Variants in CAPN7 observed in about 807,000 individuals in gnomAD.
The protein encoded by CAPN7 is calpain-7.
In CAPN7, 72 loss-of-function variants were observed where a neutral mutation model predicts 115.2. The observed-to-expected ratio is 0.63, with a 90% CI of 0.52 to 0.76. CAPN7 has a LOEUF of 0.76. CAPN7 is among the 30% of genes least tolerant of loss of function. The pLI is 0.00. For synonymous variants in CAPN7, 344 were observed against 322.3 expected (o/e 1.07, Z -0.72); for missense variants, 905 against 971.5 (o/e 0.93, Z 0.91).
At chr3:15,245,283 C>T (rs2125007946) in intron 16 of CAPN7, among the ~76,000 whole-genome samples, 1 of 151,482 alleles carries the variant, frequency 6.6e-6, no homozygotes, top group Non-Finnish European at 1.5e-5. Context: ...TGAAATGCAA[C>T]ACAGAGCAAA....
At chr3:15,218,344 T>C (rs1693764333) in intron 3 of CAPN7, 129 bp from the exon 4 acceptor site, 1 of 659,240 alleles carries the variant, frequency 1.5e-6, no homozygotes, top group African/African-American at 1.8e-5. Context: ...TGAGAATTAA[T>C]GTCATCTTTG....
chr3:15,206,936 G>A (rs1327910966), intron 1 of CAPN7, among the ~76,000 whole-genome samples: 1 of 152,248 alleles, frequency 6.6e-6, no homozygotes, highest in Non-Finnish European at 1.5e-5. Context: ...TACAGCTAGC[G>A]GGAAATGGCC....
At chr3:15,241,340 C>T in intron 14 of CAPN7, 113 bp from the exon 15 acceptor site, 1 of 1,050,052 alleles carries the variant, frequency 9.5e-7, no homozygotes, top group Non-Finnish European at 1.4e-6. Flanking sequence ...AATTTAAAAA[C>T]AGTAAAACAA....
intron 2 of CAPN7, among the ~76,000 whole-genome samples, chr3:15,214,905 G>A (rs1401150789): frequency 6.6e-6 from 1 of 152,128 alleles, no homozygotes; most frequent in Non-Finnish European, 1.5e-5. Context: ...TGGTTTTCAC[G>A]CTGCTGGGTG....
intron 1 of CAPN7, chr3:15,210,824 C>T (rs1575153036): frequency 7.8e-7 from 1 of 1,289,458 alleles, no homozygotes; most frequent in Non-Finnish European, 1.0e-6. Context: ...AACTCCTGCT[C>T]AAACAACTGG....
chr3:15,217,656 A>G, intron 3 of CAPN7, 74 bp downstream of exon 3: 5 of 1,234,206 alleles, frequency 4.1e-6, no homozygotes, highest in Non-Finnish European at 5.5e-6. Context: ...ATTTTACATA[A>G]CACCTTGAAT....
Position 15,240,601 on chromosome 3 carries a change from T to C in CAPN7, c.1536T>C (p.Ala512=). Residue 512 remains alanine (A), a synonymous_variant, in exon 13 of 21, where the codon GCT becomes GCC. Coordinates refer to ENST00000253693, the MANE Select transcript of CAPN7 (RefSeq NM_014296.3). ...ATTTAAACTTTGATCCCCGAACAGC[T>C]CAGAAAATAGACAACGGTAAATATA... The part of the protein sequence containing the change: ...QKYLNFDPRT[A]QKIDNGIFWI... 1 of 1,597,990 alleles carries C rather than the reference T, an allele frequency of 6.3e-7. No individual in the cohort carries two copies. The highest frequency in any genetic ancestry group is 8.5e-7 in the Non-Finnish European group (1 of 1,175,902).
chr3:15,241,480 G>A lies in CAPN7; in HGVS notation c.1680G>A (p.Val560=), dbSNP rs769593307. The part of the protein sequence containing the change: ...HSTWDAKQGP[V]KDAYSLANNP... ...CTTGGGATGCTAAGCAAGGACCTGTGAAAGATGCCTATAGCCTGGCCAACA... is the reference window on the plus strand; with the variant it reads ...CTTGGGATGCTAAGCAAGGACCTGTAAAAGATGCCTATAGCCTGGCCAACA... Residue 560 remains valine, a synonymous_variant, in exon 15 of 21, where the codon GTG becomes GTA. Coordinates refer to ENST00000253693, the MANE Select transcript of CAPN7 (RefSeq NM_014296.3). 1 of 1,614,050 alleles carries A rather than the reference G, an allele frequency of 6.2e-7. No individual in the cohort carries two copies. The highest frequency in any genetic ancestry group is 8.5e-7 in the Non-Finnish European group (1 of 1,179,966).
chr3:15,216,442 T>C (rs936371709), intron 2 of CAPN7, among the ~76,000 whole-genome samples: 1 of 152,356 alleles, frequency 6.6e-6, no homozygotes, highest in East Asian at 1.9e-4. Flanking sequence ...TGGAGAAATG[T>C]CTGTTCAGAT....
chr3:15,230,304 C>T, intron 8 of CAPN7, 138 bp from the exon 9 acceptor site: 2 of 501,554 alleles, frequency 4.0e-6, no homozygotes, highest in South Asian at 7.1e-5. Context: ...TTTTCTAGGC[C>T]TATTGTAGGA....
chr3:15,240,149 A>G (rs1575230753), intron 12 of CAPN7, among the ~76,000 whole-genome samples: 1 of 152,218 alleles, frequency 6.6e-6, no homozygotes, highest in South Asian at 2.1e-4. Context: ...TGCCCAATGC[A>G]TTAGCCACTA....
intron 16 of CAPN7, among the ~76,000 whole-genome samples, chr3:15,245,102 TA>T (rs1488215511): frequency 7.0e-6 from 1 of 142,334 alleles, no homozygotes; most frequent in Non-Finnish European, 1.5e-5. Flanking sequence ...ATGAAAAGGC[TA>T]GAATGACCAA....
At chr3:15,247,087 G>C in intron 18 of CAPN7, 4 of 565,824 alleles carry the variant, frequency 7.1e-6, no homozygotes, top group Non-Finnish European at 6.2e-6. Context: ...ATGTATAGAG[G>C]AAGATTCTAT....
intron 7 of CAPN7, among the ~76,000 whole-genome samples, chr3:15,228,636 C>T (rs983197326): frequency 6.6e-6 from 1 of 152,152 alleles, no homozygotes; most frequent in Non-Finnish European, 1.5e-5. Flanking sequence ...CATGTTCTCA[C>T]TGATAAGTGG....
Position 15,247,235 on chromosome 3 carries a change from C to CTTTT in CAPN7, c.2074-81_2074-78dup, listed in dbSNP as rs59046014. Reference sequence around the variant, plus strand: ...TTGGAGACACAGAGTGGAAAATTGCCTTTTTTTTTTTTTTGAGATGGAAAG... The same window carrying CTTTT: ...TTGGAGACACAGAGTGGAAAATTGCCTTTTTTTTTTTTTTTTTTGAGATGGAAAG... On this transcript the variant is annotated intron_variant, in intron 18 of 20. Coordinates refer to ENST00000253693, the MANE Select transcript of CAPN7 (RefSeq NM_014296.3). The CTTTT allele has an allele frequency of 0.01, 7,739 of 748,304 alleles. 528 individuals are homozygous for CTTTT. In the African/African-American group the frequency reaches 0.14, roughly 14 times the overall value. 46.4% of individuals were successfully genotyped at this position (748,304 alleles called of 1,614,324 possible).
intron 14 of CAPN7, among the ~76,000 whole-genome samples, 168 bp downstream of exon 14, chr3:15,241,021 A>ATTATGT (rs1695313014): frequency 6.6e-6 from 1 of 152,188 alleles, no homozygotes; most frequent in African/African-American, 2.4e-5. Flanking sequence ...GTTGGGCAAC[A>ATTATGT]TGGCAAAACC....
chr3:15,244,052 G>A (rs971377156), intron 16 of CAPN7, among the ~76,000 whole-genome samples: 2 of 152,164 alleles, frequency 1.3e-5, no homozygotes, highest in Non-Finnish European at 2.9e-5. Context: ...CAGTTGGATT[G>A]GTTTTAAAAG....
chr3:15,233,108 CTT>C (rs769066422), intron 10 of CAPN7, among the ~76,000 whole-genome samples: 98 of 152,280 alleles, frequency 6.4e-4, no homozygotes, highest in Non-Finnish European at 7.5e-4. Context: ...ATTGGCATGA[CTT>C]TAAATTCTTA....
intron 12 of CAPN7, among the ~76,000 whole-genome samples, chr3:15,240,219 C>T (rs1375302377): frequency 6.6e-6 from 1 of 152,182 alleles, no homozygotes; most frequent in Non-Finnish European, 1.5e-5. Flanking sequence ...GACTAAGGAA[C>T]TGATTTTTGA....
Sources: gnomAD v4.1 joint callset for allele counts (sites outside exome capture counted in the v4.1 genomes callset) on GRCh38, gnomAD v4.1.1 for gene constraint, MANE v1.5 for transcripts, NCBI Gene and HGNC (gene_info 2026-07-23, HGNC 2026-07-21) for gene names.